NT5DC3: variants seen among roughly 807,000 people sequenced by gnomAD.
The protein encoded by NT5DC3 is 5'-nucleotidase domain-containing protein 3.
A neutral mutation model predicts 67.8 loss-of-function variants in NT5DC3; 42 were observed. The observed-to-expected ratio is 0.62, with a 90% confidence interval of 0.48 to 0.80. The LOEUF (loss-of-function observed/expected upper bound fraction) is 0.80, where lower values mean the gene tolerates loss of function less well. Ranked by LOEUF, NT5DC3 falls within the 30% of genes least tolerant of loss-of-function variation. The pLI is 0.00. For synonymous variants in NT5DC3, 237 were observed against 255.6 expected (o/e 0.93, Z 0.69); for missense variants, 570 against 696.4 (o/e 0.82, Z 2.04).
At position 103,814,577 on chromosome 12, in the gene NT5DC3, A is replaced by G. The variant is rs186749963; in HGVS notation, c.393+360T>C. Among the ~76,000 whole-genome samples, 58 of 152,362 alleles carry G rather than the reference A, an allele frequency of 3.8e-4. 1 individual carries two copies. In the East Asian group the frequency reaches 0.011, roughly 28 times the overall value. ...AATTCAAATTGGTGTTGAAGGTAAA[A>G]CATCTCCTATCATTTGAGGAATTCC... On this transcript the variant is annotated intron_variant, in intron 2 of 13. Transcript: ENST00000392876.
At chr12:103,817,497 C>T (rs1887312912) in intron 1 of NT5DC3, among the ~76,000 whole-genome samples, 1 of 152,106 alleles carries the variant, frequency 6.6e-6, no homozygotes, top group Non-Finnish European at 1.5e-5. Context: ...CCATATTTTA[C>T]TACTTTTCAC....
At chr12:103,767,032 AAGTT>A (rs1885009239), downstream of NT5DC3, 1 of 151,446 alleles carries the variant, frequency 6.6e-6, no homozygotes, top group Non-Finnish European at 1.5e-5. Flanking sequence ...GCAAAAAAAT[AAGTT>A]AAACACAGAG....
chr12:103,787,670 G>A (rs1463918749), intron 10 of NT5DC3, 143 bp from the exon 11 acceptor site: 2 of 492,566 alleles, frequency 4.1e-6, no homozygotes, highest in African/African-American at 1.9e-5. Context: ...CACCTTCATG[G>A]GAAATCTTTC....
the NT5DC3 span, among the ~76,000 whole-genome samples, chr12:103,760,037 G>A: frequency 2.4e-3 from 368 of 152,284 alleles, no homozygotes; most frequent in African/African-American, 8.4e-3. Flanking sequence ...TGGAAGATAA[G>A]GAGTATTTCA....
intron 4 of NT5DC3, among the ~76,000 whole-genome samples, chr12:103,805,008 G>A (rs959676644): frequency 1.1e-4 from 17 of 150,446 alleles, no homozygotes; most frequent in African/African-American, 3.7e-4. Context: ...CCGAGATCTC[G>A]CCACTGCACT....
intron 4 of NT5DC3, chr12:103,802,235 C>G (rs560091774): frequency 6.6e-6 from 1 of 152,118 alleles, no homozygotes; most frequent in African/African-American, 2.4e-5. Context: ...CCTGTGAACC[C>G]CAGGAGAAGA....
the NT5DC3 span, among the ~76,000 whole-genome samples, chr12:103,754,071 T>C: frequency 3.3e-5 from 5 of 152,156 alleles, no homozygotes; most frequent in Non-Finnish European, 7.3e-5. Context: ...AGGAGATGAA[T>C]GCCTAGTACG....
At chr12:103,749,019 C>T in the NT5DC3 span, 1 of 1,614,116 alleles carries the variant, frequency 6.2e-7, no homozygotes, top group Non-Finnish European at 8.5e-7. Flanking sequence ...CAGATGCTCC[C>T]AGAAGGGCAC....
chr12:103,778,672 G>A (rs1297737154), intron 13 of NT5DC3, among the ~76,000 whole-genome samples: 1 of 152,170 alleles, frequency 6.6e-6, no homozygotes, highest in African/African-American at 2.4e-5. Context: ...CAGGCATGGT[G>A]GCATATGTCT....
At chr12:103,811,854 GTTTA>G (rs1465149075) in intron 2 of NT5DC3, among the ~76,000 whole-genome samples, 1 of 152,028 alleles carries the variant, frequency 6.6e-6, no homozygotes, top group Non-Finnish European at 1.5e-5. Flanking sequence ...TATCCTAAAA[GTTTA>G]TTTAAAGGAA....
chr12:103,750,682 G>A, the NT5DC3 span: 1 of 1,614,188 alleles, frequency 6.2e-7, no homozygotes, highest in African/African-American at 1.3e-5. Context: ...AATGGGCAGT[G>A]CCATGCAGAC....
chr12:103,766,716 CA>C (rs1208835016), downstream of NT5DC3: 2 of 182,002 alleles, frequency 1.1e-5, no homozygotes, highest in Non-Finnish European at 2.4e-5. Context: ...GGAACAGAAA[CA>C]AAGTCAACAG....
At chr12:103,750,736 G>T in the NT5DC3 span, 4 of 1,604,608 alleles carry the variant, frequency 2.5e-6, no homozygotes, top group African/African-American at 4.0e-5. Flanking sequence ...TGTGACCAGG[G>T]CCTATGGCCC....
intron 1 of NT5DC3, among the ~76,000 whole-genome samples, chr12:103,836,956 C>G (rs1272906092): frequency 6.6e-6 from 1 of 152,200 alleles, no homozygotes; most frequent in Admixed American, 6.5e-5. Flanking sequence ...AGTAGGGACT[C>G]TGTGTGGGGG....
At chr12:103,805,165 G>C (rs944772263) in intron 4 of NT5DC3, among the ~76,000 whole-genome samples, 10 of 152,048 alleles carry the variant, frequency 6.6e-5, no homozygotes, top group Admixed American at 2.0e-4. Flanking sequence ...AGAGGAATGA[G>C]ACTGGAGAAG....
At chr12:103,753,305 C>A in the NT5DC3 span, 92 of 1,614,100 alleles carry the variant, frequency 5.7e-5, no homozygotes, top group Non-Finnish European at 1.1e-5. Context: ...CCTGTGCCAA[C>A]GAAGCTGCGA....
chr12:103,828,720 C>T (rs1209936540), intron 1 of NT5DC3, among the ~76,000 whole-genome samples: 10 of 135,204 alleles, frequency 7.4e-5, no homozygotes, highest in Non-Finnish European at 4.6e-5. Flanking sequence ...TTTTTGGAGA[C>T]GGAGTCTCAC....
At position 103,780,283 on chromosome 12, in the gene NT5DC3, A is replaced by C. The variant is rs1885496398; in HGVS notation, c.1394+17T>G. The stretch of plus-strand genomic sequence containing the variant: ...ACAGGGTGGTGGACGCGCACATTCA[A>C]TACAGGCCTCTCTTACCGCATCTCC... On this transcript the variant is annotated intron_variant, in intron 13 of 13. Coordinates refer to ENST00000392876, the MANE Select transcript of NT5DC3 (RefSeq NM_001031701.3). 1.2e-6 allele frequency: 2 copies of C among 1,610,232 alleles called. No individual in the cohort carries two copies. Among genetic ancestry groups the C allele is most frequent in the Non-Finnish European group, 1.7e-6 (2 of 1,176,552 alleles).
intron 12 of NT5DC3, 33 bp from the exon 13 acceptor site, chr12:103,780,397 T>A: frequency 1.2e-6 from 2 of 1,600,846 alleles, no homozygotes; most frequent in Non-Finnish European, 1.7e-6. Context: ...TACAACTGTT[T>A]TGATTTCAAA....
Sources: allele counts gnomAD v4.1 joint callset (sites outside exome capture counted in the v4.1 genomes callset), GRCh38; gene constraint gnomAD v4.1.1; transcripts MANE v1.5; gene names NCBI Gene and HGNC (gene_info 2026-07-23, HGNC 2026-07-21).